The following ENPP7 variants were observed in gnomAD, a reference collection of about 807,000 sequenced individuals.
The protein encoded by ENPP7 is ectonucleotide pyrophosphatase/phosphodiesterase family member 7.
In ENPP7, 39 loss-of-function variants were observed where a neutral mutation model predicts 33.6. The observed-to-expected ratio is 1.16, with a 90% confidence interval of 0.90 to 1.52. The LOEUF is 1.52. ENPP7 is among the 40% of genes most tolerant of loss of function. The probability of loss-of-function intolerance (pLI) is 0.00; values close to 1 mark genes in which losing one functional copy is unlikely to be tolerated. For missense variants in ENPP7, 594 were observed against 641.0 expected, an observed-to-expected ratio of 0.93 and a Z score of 0.79; for synonymous variants, 244 against 274.3, an observed-to-expected ratio of 0.89 and a Z score of 1.09.
At position 79,741,778 on chromosome 17, in the gene ENPP7, C is replaced by T; in HGVS notation, c.*17-16C>T. On this transcript the variant is annotated splice_polypyrimidine_tract_variant and intron_variant, in intron 5 of 5. Coordinates refer to ENST00000328313, the MANE Select transcript of ENPP7 (RefSeq NM_178543.5). ...TCCTCTCCTCCCAGACCAACGCGTG[C>T]TGCTTGCTCTTCCAGGAAGCCGCCG... 2.0e-6 allele frequency: 2 copies of T among 985,738 alleles called. No homozygotes were observed. The highest frequency in any genetic ancestry group is 2.4e-6 in the Non-Finnish European group (2 of 830,236). The allele number at this position is 985,738 out of a possible 1,614,324, so 61.1% of individuals were successfully genotyped here. A position where few individuals can be genotyped will look rare whatever the true frequency, so the allele number is the denominator to read the frequency against.
Position 79,738,060 on chromosome 17 carries a change from A to G in ENPP7, c.*14A>G. 6.2e-7 allele frequency: 1 copy of G among 1,607,684 alleles called. No homozygotes were observed. ...GAGGTCGCATAACGCCCCATGGCTC[A>G]AGGTCAGAGACCCAGAAGGCAGAGG... On this transcript the variant is annotated splice_region_variant and 3_prime_UTR_variant, in exon 5 of 6. Coordinates refer to ENST00000328313, the MANE Select transcript of ENPP7 (RefSeq NM_178543.5). This position sits in a 1 kb window ranked among gnomAD's most constrained non-coding sequence, Gnocchi z 6.2.
In ENPP7 at chr17:79,737,106, C is replaced by T; in HGVS notation, c.1092C>T (p.Thr364=). Residue 364 remains threonine, a synonymous_variant, in exon 4 of 6, where the codon ACC becomes ACT. Coordinates refer to ENST00000328313, the MANE Select transcript of ENPP7 (RefSeq NM_178543.5). This position sits in a 1 kb window ranked among gnomAD's most constrained non-coding sequence, Gnocchi z 5.5. ...ACAACAAGGACATGGACATGAAGAC[C>T]ATCTTCCGCGCTGTGGGCCCTAGCT... is the stretch of plus-strand genomic sequence containing the variant. ...GFDNKDMDMK[T]IFRAVGPSFR... 6.2e-7 allele frequency: 1 copy of T among 1,614,194 alleles called. No homozygotes were observed. Among genetic ancestry groups the T allele is most frequent in the Non-Finnish European group, 8.5e-7 (1 of 1,180,050 alleles).
chr17:79,730,949 G>C lies in ENPP7; in HGVS notation c.-191G>C. 1 of 613,474 alleles carries C rather than the reference G, an allele frequency of 1.6e-6. No individual in the cohort carries two copies. The highest frequency in any genetic ancestry group is 2.1e-5 in the South Asian group (1 of 48,676). The allele number at this position is 613,474 out of a possible 1,614,324, so 38.0% of individuals were successfully genotyped here. On this transcript the variant is annotated 5_prime_UTR_variant, in exon 1 of 6. Transcript: ENST00000328313. ...CTCAAGTTGATGCCACCCCACGCAC[G>C]TGAGGCTGGGACCAGGGGTGGCACT...
chr17:79,732,268 C>A (rs1297130806), intron 1 of ENPP7, among the ~76,000 whole-genome samples: 4 of 150,276 alleles, frequency 2.7e-5, no homozygotes, highest in African/African-American at 9.8e-5. Context: ...CAGAGCAAGA[C>A]CCTGTGTCAA....
Position 79,741,828 on chromosome 17 carries a change from G to A in ENPP7, c.*51G>A, listed in dbSNP as rs1188235479. 1.0e-6 allele frequency: 1 copy of A among 985,980 alleles called. No homozygotes were observed. The allele number at this position is 985,980 out of a possible 1,614,324, so 61.1% of individuals were successfully genotyped here. The stretch of plus-strand genomic sequence containing the variant: ...GGGAGCTGCCCGCAGGCCCTGGGCC[G>A]GCTGTCTCGCTGCGATGCTCTGCTG... On this transcript the variant is annotated 3_prime_UTR_variant, in exon 6 of 6. Coordinates refer to ENST00000328313, the MANE Select transcript of ENPP7 (RefSeq NM_178543.5).
rs782527487 is a variant in ENPP7, at chr17:79,737,179, G to A, written c.1165G>A (p.Glu389Lys). ...VEPFESVHVY[E>K]LMCRLLGIVP... is the part of the protein sequence containing the mutation. ...GCCCTTTGAGAGCGTCCACGTGTAC[G>A]AGCTCATGTGCCGGCTGCTGGGCAT... Residue 389 changes from glutamate to lysine, a missense_variant, in exon 4 of 6, where the codon GAG becomes AAG. Transcript: ENST00000328313. This position sits in a 1 kb window ranked among gnomAD's most constrained non-coding sequence, Gnocchi z 5.5. The A allele has an allele frequency of 3.9e-5, 63 of 1,613,496 alleles. 1 individual carries two copies. Among genetic ancestry groups the A allele is most frequent in the South Asian group, 3.4e-4 (31 of 91,090 alleles).
Position 79,737,356 on chromosome 17 carries a change from C to A in ENPP7, c.1246+96C>A. Reference sequence around the variant, plus strand: ...GCCTGTGACCAGGACACCCTTGAGCCCCAAGTGGGGCCACCTCCCCTGGCT... The same window carrying A: ...GCCTGTGACCAGGACACCCTTGAGCACCAAGTGGGGCCACCTCCCCTGGCT... On this transcript the variant is annotated intron_variant, in intron 4 of 5. Transcript: ENST00000328313. This position sits in a 1 kb window ranked among gnomAD's most constrained non-coding sequence, Gnocchi z 5.5. The A allele has an allele frequency of 9.4e-7, 1 of 1,061,250 alleles. No individual in the cohort carries two copies. The highest frequency in any genetic ancestry group is 1.4e-6 in the Non-Finnish European group (1 of 727,894). 65.7% of individuals were successfully genotyped at this position (1,061,250 alleles called of 1,614,324 possible).
chr17:79,741,719 C>A, intron 5 of ENPP7, 75 bp from the exon 6 acceptor site: 1 of 860,650 alleles, frequency 1.2e-6, no homozygotes. Flanking sequence ...CGCTGCTTCA[C>A]CTGTCCCACC....
chr17:79,732,121 C>CATATATATATATATACATATATACACAT lies in ENPP7; in HGVS notation c.253+739_253+740insATATACATATATACACATATATATATAT. ...TAATATATATATACATATATATATACATATATATATGTATATATATATATA... is the reference window on the plus strand; with the variant it reads ...TAATATATATATACATATATATATACATATATATATATATACATATATACACATATATATATATGTATATATATATATA... On this transcript the variant is annotated intron_variant, in intron 1 of 5. Transcript: ENST00000328313. 4.6e-3 allele frequency among the ~76,000 whole-genome samples: 224 copies of CATATATATATATATACATATATACACAT among 48,672 alleles called. 29 individuals are homozygous for CATATATATATATATACATATATACACAT. The highest frequency in any genetic ancestry group is 6.3e-3 in the Non-Finnish European group (160 of 25,422). 31.9% of individuals were successfully genotyped at this position (48,672 alleles called of 152,430 possible). A position where few individuals can be genotyped will look rare whatever the true frequency, so the allele number is the denominator to read the frequency against.
rs549625842 is a variant in ENPP7, at chr17:79,731,338, A to C, written c.199A>C (p.Met67Leu). The change falls in exon 1 of 6, where the codon ATG becomes CTG. Residue 67 changes from methionine to leucine, a missense_variant. Met to Leu is a conservative substitution (Grantham distance 15). This residue lies in a region of ENPP7 where 85 missense variants were observed against 111.3 expected (regional missense o/e 0.76). Transcript: ENST00000328313. The part of the protein sequence containing the change: ...MARDGVKARY[M>L]TPAFVTMTSP... ...CCGAGACGGGGTGAAGGCACGCTAC[A>C]TGACCCCCGCCTTTGTCACCATGAC... 25 of 1,613,554 alleles carry C rather than the reference A, an allele frequency of 1.5e-5. No homozygotes were observed. The highest frequency in any genetic ancestry group is 3.3e-4 in the Middle Eastern group (2 of 6,058).
chr17:79,731,440 A>G, intron 1 of ENPP7, 48 bp downstream of exon 1: 1 of 1,569,544 alleles, frequency 6.4e-7, no homozygotes, highest in Non-Finnish European at 8.6e-7. Flanking sequence ...GGCCTGAGAA[A>G]CCAGATGGCA....
rs2094301398 is a variant in ENPP7, at chr17:79,739,227, T to C, written c.*16+1165T>C. On this transcript the variant is annotated intron_variant, in intron 5 of 5. Coordinates refer to ENST00000328313, the MANE Select transcript of ENPP7 (RefSeq NM_178543.5). The surrounding 1 kb of genome is among the most constrained non-coding windows in gnomAD (Gnocchi z 4.4). ...TGTTTGGGATGAGACAGAAGGCCAG[T>C]GTGCCTGCAGGTTGGCACAGAGCGA... 1 of 152,554 alleles carries C rather than the reference T, an allele frequency of 6.6e-6. No individual in the cohort carries two copies. The highest frequency in any genetic ancestry group is 1.5e-5 in the Non-Finnish European group (1 of 68,234). 9.5% of individuals were successfully genotyped at this position (152,554 alleles called of 1,614,324 possible). A position where few individuals can be genotyped will look rare whatever the true frequency, so the allele number is the denominator to read the frequency against.
chr17:79,733,376 C>A, intron 1 of ENPP7, 132 bp from the exon 2 acceptor site: 1 of 925,160 alleles, frequency 1.1e-6, no homozygotes, highest in Non-Finnish European at 1.7e-6. Flanking sequence ...CCCAGCCCTG[C>A]CCCAGGCCCA....
chr17:79,733,869 C>T (rs1555823011), intron 2 of ENPP7, among the ~76,000 whole-genome samples: 2 of 152,074 alleles, frequency 1.3e-5, no homozygotes, highest in Admixed American at 6.5e-5. Context: ...ACGTCCGGCT[C>T]GGCCCATGGA....
At position 79,738,188 on chromosome 17, in the gene ENPP7, C is replaced by T; in HGVS notation, c.*16+126C>T. On this transcript the variant is annotated intron_variant, in intron 5 of 5. Coordinates refer to ENST00000328313, the MANE Select transcript of ENPP7 (RefSeq NM_178543.5). This position sits in a 1 kb window ranked among gnomAD's most constrained non-coding sequence, Gnocchi z 6.2. Reference sequence around the variant, plus strand: ...CCAGGCCCCGCCAAGCAGGTGACTCCCACTGACCTGGCTGCCCCAGAGAGG... The same window carrying T: ...CCAGGCCCCGCCAAGCAGGTGACTCTCACTGACCTGGCTGCCCCAGAGAGG... 3 of 959,906 alleles carry T rather than the reference C, an allele frequency of 3.1e-6. No individual in the cohort carries two copies. The highest frequency in any genetic ancestry group is 2.6e-5 in the East Asian group (1 of 38,852). The allele number at this position is 959,906 out of a possible 1,614,324, so 59.5% of individuals were successfully genotyped here. A position where few individuals can be genotyped will look rare whatever the true frequency, so the allele number is the denominator to read the frequency against.
Position 79,735,222 on chromosome 17 carries a change from C to T in ENPP7, c.579C>T (p.Leu193=), listed in dbSNP as rs782005485. The T allele has an allele frequency of 6.2e-7, 1 of 1,613,432 alleles. No individual in the cohort carries two copies. The highest frequency in any genetic ancestry group is 8.5e-7 in the Non-Finnish European group (1 of 1,180,024). Residue 193 remains leucine (L), a synonymous_variant, in exon 3 of 6, where the codon CTC becomes CTT. Transcript: ENST00000328313. This position sits in a 1 kb window ranked among gnomAD's most constrained non-coding sequence, Gnocchi z 5.5. ...AGGAGGACCTGGATCTGGTCACACT[C>T]TACTTCGGGGAGCCGGACTCCACGG... is the stretch of plus-strand genomic sequence containing the variant. ...FTEEDLDLVT[L]YFGEPDSTGH... is the part of the protein sequence containing the mutation.
At chr17:79,741,735 T>C (rs66677409) in intron 5 of ENPP7, 59 bp from the exon 6 acceptor site, 492,208 of 956,140 alleles carry the variant, frequency 0.51, 130,980 homozygotes, top group African/African-American at 0.83. Context: ...CCACCAGACC[T>C]GCCCTCAGCC....
rs977758347 is a variant in ENPP7 at position 79,738,296 on chromosome 17, C to A, written c.*16+234C>A. 2 of 467,956 alleles carry A rather than the reference C, an allele frequency of 4.3e-6. No individual in the cohort carries two copies. Among genetic ancestry groups the A allele is most frequent in the Non-Finnish European group, 7.8e-6 (2 of 257,350 alleles). The allele number at this position is 467,956 out of a possible 1,614,324, so 29.0% of individuals were successfully genotyped here. ...GGAGGTCTTTCCAGAGCAGACCACC[C>A]GGACCAGTGGCCAGAATTCCCACCC... On this transcript the variant is annotated intron_variant, in intron 5 of 5. Transcript: ENST00000328313. The surrounding 1 kb of genome is among the most constrained non-coding windows in gnomAD (Gnocchi z 6.2).
chr17:79,736,996 G>C, intron 3 of ENPP7, 45 bp from the exon 4 acceptor site: 1 of 1,564,772 alleles, frequency 6.4e-7, no homozygotes. Flanking sequence ...GAGAGGGTCT[G>C]TTGCTCCCAG....
Sources: allele counts gnomAD v4.1 joint callset (sites outside exome capture counted in the v4.1 genomes callset), GRCh38; gene constraint gnomAD v4.1.1; regional missense constraint gnomAD v4.1.1; non-coding constraint Gnocchi (gnomAD v3.1); transcripts MANE v1.5; gene names NCBI Gene and HGNC (gene_info 2026-07-23, HGNC 2026-07-21).